Variants in ATP8B4 observed in about 807,000 individuals in gnomAD.
ATP8B4 encodes the protein ATPase phospholipid transporting 8B4 (putative).
In ATP8B4, 133 loss-of-function variants were observed where a neutral mutation model predicts 145.6. The ratio of observed to expected loss-of-function variants is 0.91; its 90% CI spans 0.79 to 1.05. The LOEUF (loss-of-function observed/expected upper bound fraction) is 1.05, where lower values mean the gene tolerates loss of function less well. ATP8B4 is among the 50% of genes least tolerant of loss of function. The pLI is 0.00. For missense variants in ATP8B4, 1,458 were observed against 1,425.2 expected, an observed-to-expected ratio of 1.02 and a Z score of -0.37; for synonymous variants, 507 against 492.9, an observed-to-expected ratio of 1.03 and a Z score of -0.38.
At chr15:50,126,702 T>C (rs2153678509) in intron 1 of ATP8B4, among the ~76,000 whole-genome samples, 1 of 152,346 alleles carries the variant, frequency 6.6e-6, no homozygotes, top group Non-Finnish European at 1.5e-5. Context: ...AAGATTTTCC[T>C]TTATTTCCAT....
chr15:49,950,590 T>TTAA (rs2042979358), intron 14 of ATP8B4, among the ~76,000 whole-genome samples: 1 of 46,322 alleles, frequency 2.2e-5, no homozygotes, highest in Non-Finnish European at 5.2e-5. Flanking sequence ...ATGTATTAAC[T>TTAA]AAAAAAAAAA....
intron 1 of ATP8B4, among the ~76,000 whole-genome samples, chr15:50,141,756 T>G (rs1443780245): frequency 6.6e-6 from 1 of 151,988 alleles, no homozygotes. Context: ...CCCAATAAAG[T>G]TGTTTTAAAG....
chr15:49,983,358 G>T (rs1032524118), intron 10 of ATP8B4, among the ~76,000 whole-genome samples: 3 of 152,058 alleles, frequency 2.0e-5, no homozygotes, highest in Non-Finnish European at 4.4e-5. Context: ...CCATCCAGTT[G>T]CGAAGGTTGG....
At chr15:49,909,252 G>C (rs551499608) in intron 20 of ATP8B4, among the ~76,000 whole-genome samples, 1 of 152,120 alleles carries the variant, frequency 6.6e-6, no homozygotes, top group South Asian at 2.1e-4. Flanking sequence ...ACTCCTCCCA[G>C]AGACTGGAAG....
intron 14 of ATP8B4, among the ~76,000 whole-genome samples, chr15:49,960,005 G>A (rs1453005126): frequency 6.6e-6 from 1 of 150,992 alleles, no homozygotes; most frequent in South Asian, 2.1e-4. Context: ...AAATGTTAGA[G>A]CCTTGAGCCT....
chr15:50,118,766 G>A (rs1308829616), intron 1 of ATP8B4, among the ~76,000 whole-genome samples: 9 of 151,880 alleles, frequency 5.9e-5, no homozygotes, highest in South Asian at 4.2e-4. Flanking sequence ...TACAAACCCC[G>A]TGAAAAAAAT....
chr15:50,003,274 ATGTGTGTGTGTG>A (rs10539979), intron 7 of ATP8B4, among the ~76,000 whole-genome samples: 20 of 141,194 alleles, frequency 1.4e-4, no homozygotes, highest in Admixed American at 2.8e-4. Flanking sequence ...TAGGGTGTGC[ATGTGTGTGTGTG>A]TGTGTGTGTG....
intron 16 of ATP8B4, among the ~76,000 whole-genome samples, chr15:49,924,319 T>TTGAA (rs1368784499): frequency 2.6e-5 from 4 of 152,274 alleles, no homozygotes; most frequent in South Asian, 4.1e-4. Flanking sequence ...TAATTATTTG[T>TTGAA]TGAATGAATG....
intron 14 of ATP8B4, among the ~76,000 whole-genome samples, chr15:49,946,584 A>C (rs374836232): frequency 3.3e-5 from 5 of 150,630 alleles, no homozygotes; most frequent in African/African-American, 9.8e-5. Flanking sequence ...ATTTCCTTAC[A>C]TATCCTGCTA....
intron 8 of ATP8B4, among the ~76,000 whole-genome samples, chr15:49,998,608 T>G (rs1357014141): frequency 6.6e-6 from 1 of 152,180 alleles, no homozygotes; most frequent in Non-Finnish European, 1.5e-5. Context: ...TCTTGTAAAT[T>G]TGTTTGAGTT....
In ATP8B4 at chr15:50,002,339, A is replaced by G. The variant is rs1301628616; in HGVS notation, c.436-116T>C. 6.4e-6 allele frequency: 5 copies of G among 787,068 alleles called. No individual in the cohort carries two copies. In the Admixed American group the frequency reaches 1.5e-4, roughly 23 times the overall value. The allele number at this position is 787,068 out of a possible 1,614,324, so 48.8% of individuals were successfully genotyped here. The stretch of plus-strand genomic sequence containing the variant: ...GCAACAGAGCCTCAGAAACAGAGTA[A>G]AAGAAGTGAGATCCTGTTCTACCTC... On this transcript the variant is annotated intron_variant, in intron 7 of 27. Coordinates refer to ENST00000284509, the MANE Select transcript of ATP8B4 (RefSeq NM_024837.4).
intron 1 of ATP8B4, among the ~76,000 whole-genome samples, chr15:50,170,092 C>G (rs576487490): frequency 2.6e-5 from 4 of 151,982 alleles, no homozygotes; most frequent in African/African-American, 9.7e-5. Flanking sequence ...TTCTAAAAGC[C>G]TGGAAAATAT....
At chr15:50,118,488 T>C (rs2057218737) in intron 1 of ATP8B4, among the ~76,000 whole-genome samples, 1 of 152,224 alleles carries the variant, frequency 6.6e-6, no homozygotes, top group East Asian at 1.9e-4. Flanking sequence ...AAAACCTGTG[T>C]TTCCTCATTT....
intron 15 of ATP8B4, 69 bp from the exon 16 acceptor site, chr15:49,931,376 C>A: frequency 7.0e-7 from 1 of 1,438,058 alleles, no homozygotes; most frequent in Non-Finnish European, 9.5e-7. Context: ...CCAATGCCAA[C>A]TCCAACTCAG....
intron 14 of ATP8B4, among the ~76,000 whole-genome samples, chr15:49,950,606 AC>A (rs1264020070): frequency 0.083 from 8,830 of 105,928 alleles, 366 homozygotes; most frequent in Non-Finnish European, 0.1. Flanking sequence ...AAAAAAACAA[AC>A]AAACAAACAA....
At chr15:50,082,684 A>G (rs1163591192) in intron 2 of ATP8B4, among the ~76,000 whole-genome samples, 3 of 152,252 alleles carry the variant, frequency 2.0e-5, no homozygotes, top group Admixed American at 6.5e-5. Context: ...AACCCTCAGC[A>G]TGTAGCTTTC....
intron 5 of ATP8B4, among the ~76,000 whole-genome samples, chr15:50,041,464 C>G (rs1343425399): frequency 6.6e-6 from 1 of 152,222 alleles, no homozygotes; most frequent in Admixed American, 6.5e-5. Context: ...GTTTCCAAAG[C>G]TGTGAAGCCA....
intron 7 of ATP8B4, among the ~76,000 whole-genome samples, chr15:50,010,182 AT>A (rs1194813297): frequency 7.2e-5 from 11 of 152,226 alleles, no homozygotes; most frequent in South Asian, 2.1e-4. Context: ...AATAACTTGA[AT>A]TTTTTAATCT....
chr15:50,102,455 A>G (rs2056423249), intron 2 of ATP8B4, among the ~76,000 whole-genome samples: 1 of 152,146 alleles, frequency 6.6e-6, no homozygotes, highest in African/African-American at 2.4e-5. Context: ...ATTCAAGGCC[A>G]CTATGAACAC....
Sources: allele counts gnomAD v4.1 joint callset (sites outside exome capture counted in the v4.1 genomes callset), GRCh38; gene constraint gnomAD v4.1.1; transcripts MANE v1.5; gene names NCBI Gene and HGNC (gene_info 2026-07-23, HGNC 2026-07-21).